The following ADCY3 variants were observed in gnomAD, a reference collection of about 807,000 sequenced individuals.
ADCY3 encodes adenylate cyclase type 3.
In ADCY3, 70 loss-of-function variants were observed where a neutral mutation model predicts 119.4. The ratio of observed to expected loss-of-function variants is 0.59; its 90% CI spans 0.48 to 0.72. The LOEUF is 0.72. ADCY3 is among the 30% of genes least tolerant of loss of function. ADCY3 has a pLI of 0.00. For missense variants in ADCY3, 1,238 were observed against 1,541.6 expected (o/e 0.80, Z 3.30); for synonymous variants, 672 against 621.4 (o/e 1.08, Z -1.21).
At chr2:24,854,816 G>A (rs1030027935) in intron 3 of ADCY3, among the ~76,000 whole-genome samples, 1 of 152,110 alleles carries the variant, frequency 6.6e-6, no homozygotes, top group African/African-American at 2.4e-5. Flanking sequence ...TTGGGAGGCT[G>A]AGGTGGGCGG....
chr2:24,880,918 G>A (rs1312114901), intron 2 of ADCY3, among the ~76,000 whole-genome samples: 5 of 152,030 alleles, frequency 3.3e-5, no homozygotes, highest in African/African-American at 1.2e-4. Context: ...GGGAGGCTGA[G>A]GCAGGAGAAT....
At chr2:24,914,599 C>T (rs1395781776) in intron 2 of ADCY3, among the ~76,000 whole-genome samples, 3 of 151,424 alleles carry the variant, frequency 2.0e-5, no homozygotes, top group Non-Finnish European at 1.5e-5. Context: ...CACTTGAACC[C>T]GGGAGGAGGA....
At chr2:24,895,746 C>T (rs1464051914) in intron 2 of ADCY3, among the ~76,000 whole-genome samples, 1 of 152,102 alleles carries the variant, frequency 6.6e-6, no homozygotes, top group Non-Finnish European at 1.5e-5. Flanking sequence ...CCGTCTCAGC[C>T]TCCTGAGTAG....
At chr2:24,824,320 G>T in intron 17 of ADCY3, 58 bp downstream of exon 17, 3 of 1,588,616 alleles carry the variant, frequency 1.9e-6, no homozygotes, top group Non-Finnish European at 2.6e-6. Context: ...CTGCCTGAAA[G>T]AAAGAACAGA....
At chr2:24,887,184 C>T (rs180898547) in intron 2 of ADCY3, among the ~76,000 whole-genome samples, 60 of 152,260 alleles carry the variant, frequency 3.9e-4, no homozygotes, top group Admixed American at 3.8e-3. Context: ...GGAAGACGTG[C>T]CGAGCGAAAG....
intron 2 of ADCY3, among the ~76,000 whole-genome samples, chr2:24,873,782 A>T (rs1432392745): frequency 2.6e-5 from 4 of 152,088 alleles, no homozygotes; most frequent in Admixed American, 2.6e-4. Flanking sequence ...CGCCAGCTCC[A>T]TGCCCTTCCC....
At chr2:24,825,988 CT>C in intron 16 of ADCY3, 56 bp downstream of exon 16, 1 of 1,559,982 alleles carries the variant, frequency 6.4e-7, no homozygotes, top group Non-Finnish European at 8.8e-7. Flanking sequence ...AGGGCTGCTT[CT>C]CAGGAGGCCC....
At chr2:24,906,616 G>A (rs964177297) in intron 2 of ADCY3, among the ~76,000 whole-genome samples, 2 of 152,238 alleles carry the variant, frequency 1.3e-5, no homozygotes, top group Non-Finnish European at 2.9e-5. Flanking sequence ...CCCCACGTGG[G>A]AGGATGAACA....
At chr2:24,825,119 G>A (rs1337872631) in intron 16 of ADCY3, among the ~76,000 whole-genome samples, 1 of 152,120 alleles carries the variant, frequency 6.6e-6, no homozygotes, top group Non-Finnish European at 1.5e-5. Flanking sequence ...TCTGTCTCGT[G>A]GAGGTGGCAG....
intron 13 of ADCY3, among the ~76,000 whole-genome samples, 188 bp from the exon 14 acceptor site, chr2:24,828,349 G>A (rs1364221962): frequency 6.6e-6 from 1 of 152,140 alleles, no homozygotes; most frequent in Non-Finnish European, 1.5e-5. Flanking sequence ...TAAGAGCCTC[G>A]CCGTTGCCTC....
intron 3 of ADCY3, among the ~76,000 whole-genome samples, chr2:24,861,759 A>C (rs996979305): frequency 1.3e-5 from 2 of 152,128 alleles, no homozygotes; most frequent in African/African-American, 4.8e-5. Context: ...TCCTGGCTGG[A>C]AGAGAGAAGG....
intron 16 of ADCY3, chr2:24,825,766 A>G: frequency 2.1e-6 from 1 of 465,824 alleles, no homozygotes; most frequent in Non-Finnish European, 3.9e-6. Flanking sequence ...ATTTGATTCA[A>G]GATGTTTGTG....
At chr2:24,832,186 G>C (rs572378726) in intron 11 of ADCY3, 1 of 170,960 alleles carries the variant, frequency 5.8e-6, no homozygotes, top group South Asian at 1.5e-4. Flanking sequence ...ACAGGACAAA[G>C]GCCCTGATGA....
chr2:24,822,371 T>C (rs545048481), intron 19 of ADCY3, 140 bp downstream of exon 19: 592 of 1,217,254 alleles, frequency 4.9e-4, no homozygotes, highest in Non-Finnish European at 6.3e-4. Context: ...CTATTTCTTA[T>C]TTATATTTAC....
chr2:24,877,306 C>T (rs1675834668), intron 2 of ADCY3, among the ~76,000 whole-genome samples: 1 of 152,198 alleles, frequency 6.6e-6, no homozygotes, highest in South Asian at 2.1e-4. Context: ...CCCCTTCAGC[C>T]TCTGGTCAGC....
At chr2:24,853,557 C>T (rs1672647404) in intron 3 of ADCY3, among the ~76,000 whole-genome samples, 1 of 150,758 alleles carries the variant, frequency 6.6e-6, no homozygotes, top group South Asian at 2.1e-4. Context: ...GCAAGCTCCG[C>T]CTCCCAGGTT....
intron 21 of ADCY3, 166 bp downstream of exon 21, chr2:24,820,558 G>T: frequency 7.1e-7 from 1 of 1,415,186 alleles, no homozygotes. Context: ...TTCTTCCTGT[G>T]CTGAGGCTAG....
intron 6 of ADCY3, chr2:24,840,552 C>T: frequency 2.1e-6 from 1 of 468,406 alleles, no homozygotes; most frequent in East Asian, 7.0e-5. Flanking sequence ...TGCAAAGCCG[C>T]CCCCTCGGAG....
intron 3 of ADCY3, among the ~76,000 whole-genome samples, chr2:24,852,870 T>G (rs1049190767): frequency 2.0e-5 from 3 of 152,210 alleles, no homozygotes; most frequent in African/African-American, 7.2e-5. Context: ...AGAGTGTGGC[T>G]GGTGGGGCTG....
Sources: allele counts gnomAD v4.1 joint callset (sites outside exome capture counted in the v4.1 genomes callset), GRCh38; gene constraint gnomAD v4.1.1; transcripts MANE v1.5; gene names NCBI Gene and HGNC (gene_info 2026-07-23, HGNC 2026-07-21).